Variants in PELI2 observed in about 807,000 individuals in gnomAD.
PELI2 encodes E3 ubiquitin-protein ligase pellino homolog 2.
Under a neutral mutation model 42.3 loss-of-function variants are expected in PELI2, and 23 were observed. That is an observed-to-expected ratio of 0.54 (90% CI 0.39 to 0.77). The LOEUF is 0.77. PELI2 is among the 30% of genes least tolerant of loss of function. The pLI is 0.00. For missense variants in PELI2, 463 were observed against 553.2 expected (o/e 0.84, Z 1.64); for synonymous variants, 245 against 212.2 (o/e 1.15, Z -1.34).
intron 2 of PELI2, among the ~76,000 whole-genome samples, chr14:56,230,044 T>C (rs1278701020): frequency 1.3e-5 from 2 of 152,050 alleles, no homozygotes; most frequent in Non-Finnish European, 2.9e-5. Context: ...AAGAAAAGTT[T>C]AGAGAAAAAA....
chr14:56,221,952 G>A (rs931786284), intron 2 of PELI2, among the ~76,000 whole-genome samples: 2 of 152,054 alleles, frequency 1.3e-5, no homozygotes, highest in Non-Finnish European at 2.9e-5. Context: ...CCTGCCTCTT[G>A]CCAGCCTCGA....
chr14:56,144,584 G>A (rs1270922748), intron 1 of PELI2, among the ~76,000 whole-genome samples: 4 of 152,188 alleles, frequency 2.6e-5, no homozygotes, highest in African/African-American at 9.7e-5. Flanking sequence ...AGGGACAATA[G>A]CCTGGCTGAA....
At chr14:56,230,583 A>G (rs912390007) in intron 2 of PELI2, among the ~76,000 whole-genome samples, 4 of 152,222 alleles carry the variant, frequency 2.6e-5, no homozygotes, top group Admixed American at 6.5e-5. Context: ...CCTGCCTTAC[A>G]AGAGCTCCTG....
chr14:56,226,740 G>T (rs889816051), intron 2 of PELI2, among the ~76,000 whole-genome samples: 2 of 152,168 alleles, frequency 1.3e-5, no homozygotes, highest in African/African-American at 4.8e-5. Flanking sequence ...TATGCCCTGG[G>T]ATGTCTCCAT....
Position 56,273,813 on chromosome 14 carries a change from A to T in PELI2, c.208-5863A>T, listed in dbSNP as rs1006890913. ...ACCAAACCATGTAATGATGCTGTAC[A>T]CTGCAAGTGACAAAATGCCTAACGA... On this transcript the variant is annotated intron_variant, in intron 2 of 5. Transcript: ENST00000267460. The surrounding 1 kb of genome is among the most constrained non-coding windows in gnomAD (Gnocchi z 4.3). Among the ~76,000 whole-genome samples, 1 of 152,218 alleles carries T rather than the reference A, an allele frequency of 6.6e-6. No individual in the cohort carries two copies. Among genetic ancestry groups the T allele is most frequent in the East Asian group, 1.9e-4 (1 of 5,196 alleles).
Position 56,298,978 on chromosome 14 carries a change from A to G in PELI2, c.*1812A>G, listed in dbSNP as rs1252589098. 1 of 152,344 alleles carries G rather than the reference A, an allele frequency of 6.6e-6. No individual in the cohort carries two copies. Among genetic ancestry groups the G allele is most frequent in the East Asian group, 1.9e-4 (1 of 5,180 alleles). 9.4% of individuals were successfully genotyped at this position (152,344 alleles called of 1,614,324 possible). ...GAAAAAAATGGACTTGCCTAGAATA[A>G]TATATTGAATGCCTTTTGATTTAGC... On this transcript the variant is annotated 3_prime_UTR_variant, in exon 6 of 6. Coordinates refer to ENST00000267460, the MANE Select transcript of PELI2 (RefSeq NM_021255.3).
intron 1 of PELI2, among the ~76,000 whole-genome samples, chr14:56,166,320 A>G (rs1220042206): frequency 6.6e-6 from 1 of 152,126 alleles, no homozygotes; most frequent in Non-Finnish European, 1.5e-5. Context: ...TTTATGTCTT[A>G]TTGTACTGAC....
intron 2 of PELI2, among the ~76,000 whole-genome samples, chr14:56,194,273 A>T (rs897819463): frequency 6.6e-6 from 1 of 152,104 alleles, no homozygotes; most frequent in Non-Finnish European, 1.5e-5. Flanking sequence ...TCCTGTCGTC[A>T]GCATCCGGCC....
rs1886189575 is a variant in PELI2, at chr14:56,197,967, A to AAG, written c.207+19505_207+19506dup. Among the ~76,000 whole-genome samples the AAG allele has an allele frequency of 1.1e-5, 1 of 94,718 alleles. No individual in the cohort carries two copies. Among genetic ancestry groups the AAG allele is most frequent in the African/African-American group, 4.4e-5 (1 of 22,644 alleles). The allele number at this position is 94,718 out of a possible 152,430, so 62.1% of individuals were successfully genotyped here. A position where few individuals can be genotyped will look rare whatever the true frequency, so the allele number is the denominator to read the frequency against. On this transcript the variant is annotated intron_variant, in intron 2 of 5. Coordinates refer to ENST00000267460, the MANE Select transcript of PELI2 (RefSeq NM_021255.3). The surrounding 1 kb of genome is among the most constrained non-coding windows in gnomAD (Gnocchi z 4.9). Reference sequence around the variant, plus strand: ...CACACACCAGGGATCATGACTGGTGAAGACACACACACACACACACACACA... The same window carrying AAG: ...CACACACCAGGGATCATGACTGGTGAAGAGACACACACACACACACACACACA...
At chr14:56,184,503 C>G (rs1221489051) in intron 2 of PELI2, among the ~76,000 whole-genome samples, 1 of 151,974 alleles carries the variant, frequency 6.6e-6, no homozygotes, top group Non-Finnish European at 1.5e-5. Context: ...TTTATTGATT[C>G]TGAGAACTTG....
intron 1 of PELI2, among the ~76,000 whole-genome samples, chr14:56,139,071 C>G (rs904129853): frequency 6.6e-6 from 1 of 152,198 alleles, no homozygotes; most frequent in Non-Finnish European, 1.5e-5. Context: ...GGGGGACTCA[C>G]TGAATAAGCC....
At chr14:56,164,622 C>G in intron 1 of PELI2, among the ~76,000 whole-genome samples, 1 of 152,142 alleles carries the variant, frequency 6.6e-6, no homozygotes, top group South Asian at 2.1e-4. Flanking sequence ...GGTATTAGTT[C>G]TTCTTTAAAT....
At position 56,218,390 on chromosome 14, in the gene PELI2, GAA is replaced by G. The variant is rs577626200; in HGVS notation, c.207+39927_207+39928del. 3.3e-5 allele frequency among the ~76,000 whole-genome samples: 5 copies of G among 152,358 alleles called. No individual in the cohort carries two copies. The South Asian group carries it at 1.0e-3, about 32-fold the overall frequency. ...TTATGCCTTATGGCACTAGAGCAAA[GAA>G]GTAGTTCCAGGTGGATCTTCTGATA... On this transcript the variant is annotated intron_variant, in intron 2 of 5. Transcript: ENST00000267460.
intron 2 of PELI2, among the ~76,000 whole-genome samples, chr14:56,228,967 G>T (rs1010816949): frequency 6.6e-6 from 1 of 152,210 alleles, no homozygotes; most frequent in Non-Finnish European, 1.5e-5. Flanking sequence ...CACCTGGCTT[G>T]GGGGTCCCAC....
rs147422244 is a variant in PELI2 at position 56,223,199 on chromosome 14, G to A, written c.207+44735G>A. On this transcript the variant is annotated intron_variant, in intron 2 of 5. Coordinates refer to ENST00000267460, the MANE Select transcript of PELI2 (RefSeq NM_021255.3). ...TTGCACTATTCTCACCACCACTGCC[G>A]CTGCCAAGGGAGTCTTTCTTTCCTT... Among the ~76,000 whole-genome samples the A allele has an allele frequency of 8.5e-5, 13 of 152,260 alleles. No homozygotes were observed. The East Asian group carries it at 2.3e-3, about 27-fold the overall frequency.
chr14:56,290,238 A>G (rs1889782828), intron 4 of PELI2, 30 bp from the exon 5 acceptor site: 2 of 1,463,876 alleles, frequency 1.4e-6, no homozygotes, highest in Non-Finnish European at 1.8e-6. Flanking sequence ...ATCTTAACCT[A>G]CTTTTTCTGT....
chr14:56,174,968 T>A (rs1198564131), intron 1 of PELI2, among the ~76,000 whole-genome samples: 2 of 152,130 alleles, frequency 1.3e-5, no homozygotes, highest in Non-Finnish European at 2.9e-5. Context: ...ACCCCTTCAT[T>A]CTCCATTTAG....
chr14:56,232,590 G>A (rs1887625572), intron 2 of PELI2, among the ~76,000 whole-genome samples: 1 of 151,898 alleles, frequency 6.6e-6, no homozygotes, highest in Non-Finnish European at 1.5e-5. Flanking sequence ...AATAAACTAG[G>A]TATCAACGGG....
chr14:56,276,299 T>C (rs1237777137), intron 2 of PELI2, among the ~76,000 whole-genome samples: 1 of 152,170 alleles, frequency 6.6e-6, no homozygotes, highest in Non-Finnish European at 1.5e-5. Context: ...TTCATGTAAT[T>C]GAAGGAAGTC....
Sources: gnomAD v4.1 joint callset for allele counts (sites outside exome capture counted in the v4.1 genomes callset) on GRCh38, gnomAD v4.1.1 for gene constraint, Gnocchi (gnomAD v3.1) non-coding constraint, MANE v1.5 for transcripts, NCBI Gene and HGNC (gene_info 2026-07-23, HGNC 2026-07-21) for gene names.